RCC1L: variants seen among roughly 807,000 people sequenced by gnomAD.
RCC1L encodes the protein RCC1-like G exchanging factor-like protein.
RCC1L carries 46 observed loss-of-function variants against 58.6 expected under a neutral mutation model. The observed-to-expected ratio is 0.79, with a 90% CI of 0.62 to 1.00. RCC1L has a LOEUF of 1.00. Ranked by LOEUF, RCC1L falls within the 50% of genes least tolerant of loss-of-function variation. RCC1L has a pLI of 0.00. For missense variants in RCC1L, 636 were observed against 623.6 expected (o/e 1.02, Z -0.21); for synonymous variants, 281 against 262.9 (o/e 1.07, Z -0.67).
rs1165938365 is a variant in RCC1L, at chr7:75,072,161, C to CATATATATAT, written c.324+1243_324+1252dup. Among the ~76,000 whole-genome samples the CATATATATAT allele has an allele frequency of 7.1e-3, 331 of 46,324 alleles. 12 individuals carry two copies. Among genetic ancestry groups the CATATATATAT allele is most frequent in the East Asian group, 9.6e-3 (6 of 624 alleles). The allele number at this position is 46,324 out of a possible 152,430, so 30.4% of individuals were successfully genotyped here. A position where few individuals can be genotyped will look rare whatever the true frequency, so the allele number is the denominator to read the frequency against. The stretch of plus-strand genomic sequence containing the variant: ...ATTTATACATATACATATACATATA[C>CATATATATAT]ATATATATATATATATATATATATA... On this transcript the variant is annotated intron_variant, in intron 1 of 10. Coordinates refer to ENST00000610322, the MANE Select transcript of RCC1L (RefSeq NM_030798.5).
downstream of RCC1L, among the ~76,000 whole-genome samples, chr7:75,039,553 T>C (rs1584486802): frequency 6.6e-6 from 1 of 152,078 alleles, no homozygotes; most frequent in African/African-American, 2.4e-5. Context: ...GGAGTGGCGG[T>C]CTGCATACCT....
chr7:75,032,578 C>T (rs1326012298), intron 10 of RCC1L, among the ~76,000 whole-genome samples: 1 of 152,112 alleles, frequency 6.6e-6, no homozygotes, highest in South Asian at 2.1e-4. Context: ...GAGCTGAAGA[C>T]CCATCCCTGC....
At position 75,042,345 on chromosome 7, in the gene RCC1L, G is replaced by A. The variant is rs1308394988; in HGVS notation, c.*687C>T. 1.4e-5 allele frequency: 14 copies of A among 985,572 alleles called. No individual in the cohort carries two copies. The highest frequency in any genetic ancestry group is 5.2e-4 in the Middle Eastern group (1 of 1,914). The allele number at this position is 985,572 out of a possible 1,614,324, so 61.1% of individuals were successfully genotyped here. ...CAGCTGAGCCTTGGCGGATATGCTC[G>A]GGGCCCTCGGCGCAGAGGAACTTGG... is the stretch of plus-strand genomic sequence containing the variant. On this transcript the variant is annotated 3_prime_UTR_variant, in exon 11 of 11. Coordinates refer to ENST00000610322, the MANE Select transcript of RCC1L (RefSeq NM_030798.5).
Position 75,058,639 on chromosome 7 carries a change from A to T in RCC1L, c.918T>A (p.Gly306=). Reference sequence around the variant, plus strand: ...GCTGCAGGTACTCCGAGTTTCCCCAACCAAAAAGTCCTCCGTCGGCGGACA... The same window carrying T: ...GCTGCAGGTACTCCGAGTTTCCCCATCCAAAAAGTCCTCCGTCGGCGGACA... The part of the protein sequence containing the change: ...LAVSADGGLF[G]WGNSEYLQLA... The change falls in exon 7 of 11, where the codon GGT becomes GGA. Residue 306 remains glycine (G), a synonymous_variant. Coordinates refer to ENST00000610322, the MANE Select transcript of RCC1L (RefSeq NM_030798.5). 1 of 1,613,304 alleles carries T rather than the reference A, an allele frequency of 6.2e-7. No individual in the cohort carries two copies.
chr7:75,043,139 T>G, intron 10 of RCC1L, 30 bp from the exon 11 acceptor site: 1 of 1,613,322 alleles, frequency 6.2e-7, no homozygotes, highest in Non-Finnish European at 8.5e-7. Flanking sequence ...ATACCATGGG[T>G]GGGGGTGGCG....
chr7:75,065,755 C>T (rs991223163), intron 3 of RCC1L, among the ~76,000 whole-genome samples: 4 of 152,006 alleles, frequency 2.6e-5, no homozygotes, highest in African/African-American at 4.8e-5. Context: ...TAGTGGGTCA[C>T]GTCTATAATC....
In RCC1L at chr7:75,073,394, G is replaced by T; in HGVS notation, c.324+20C>A. ...CGCGGAAGAGAGAGAAGGAGAGAAG[G>T]AGGAAGCCGCGGCCTGCACCTTTTG... On this transcript the variant is annotated intron_variant, in intron 1 of 10. Transcript: ENST00000610322. 9.1e-7 allele frequency: 1 copy of T among 1,097,700 alleles called. No individual in the cohort carries two copies. The highest frequency in any genetic ancestry group is 1.7e-5 in the African/African-American group (1 of 60,370). The allele number at this position is 1,097,700 out of a possible 1,614,324, so 68.0% of individuals were successfully genotyped here.
chr7:75,041,108 C>T (rs1554442203), downstream of RCC1L, among the ~76,000 whole-genome samples: 1 of 152,030 alleles, frequency 6.6e-6, no homozygotes, highest in African/African-American at 2.4e-5. Context: ...ATCCCAGCTA[C>T]TCGGGAGGCT....
chr7:75,058,987 G>A (rs1806180638), intron 6 of RCC1L, among the ~76,000 whole-genome samples: 2 of 148,390 alleles, frequency 1.3e-5, no homozygotes, highest in African/African-American at 2.5e-5. Context: ...GATCAGCCTG[G>A]TCAACATGGC....
At chr7:75,054,930 C>T (rs1806026829) in intron 9 of RCC1L, among the ~76,000 whole-genome samples, 2 of 152,316 alleles carry the variant, frequency 1.3e-5, no homozygotes, top group Non-Finnish European at 2.9e-5. Flanking sequence ...CAGCTGGCAG[C>T]CATAACAACC....
chr7:75,045,750 G>A (rs1018337070), intron 10 of RCC1L, among the ~76,000 whole-genome samples: 3 of 152,150 alleles, frequency 2.0e-5, no homozygotes, highest in Non-Finnish European at 4.4e-5. Flanking sequence ...TTCTGACCTC[G>A]TGAGCCACCT....
At position 75,042,734 on chromosome 7, in the gene RCC1L, G is replaced by T. The variant is rs1202131702; in HGVS notation, c.*298C>A. 2 of 1,333,828 alleles carry T rather than the reference G, an allele frequency of 1.5e-6. No homozygotes were observed. Among genetic ancestry groups the T allele is most frequent in the African/African-American group, 3.0e-5 (2 of 67,518 alleles). 82.6% of individuals were successfully genotyped at this position (1,333,828 alleles called of 1,614,324 possible). On this transcript the variant is annotated 3_prime_UTR_variant, in exon 11 of 11. Coordinates refer to ENST00000610322, the MANE Select transcript of RCC1L (RefSeq NM_030798.5). ...CTAAGACGGGCTTCTCAGGCGAGAC[G>T]TGACACCAGACACCGTCGCATGTTA...
In RCC1L at chr7:75,043,217, A is replaced by C. The variant is rs1647774067; in HGVS notation, c.1318-108T>G. On this transcript the variant is annotated intron_variant, in intron 10 of 10. Coordinates refer to ENST00000610322, the MANE Select transcript of RCC1L (RefSeq NM_030798.5). ...GCCTCTCAGTAGGAGACTCAGTAGG[A>C]GACAGCTTGTCTCAGCAGGAGACAG... The C allele has an allele frequency of 4.0e-6, 5 of 1,252,122 alleles. No homozygotes were observed. The African/African-American group carries it at 7.4e-5, about 18-fold the overall frequency. The allele number at this position is 1,252,122 out of a possible 1,614,324, so 77.6% of individuals were successfully genotyped here. A position where few individuals can be genotyped will look rare whatever the true frequency, so the allele number is the denominator to read the frequency against.
intron 2 of RCC1L, among the ~76,000 whole-genome samples, chr7:75,069,303 C>T (rs1372232326): frequency 6.6e-6 from 1 of 152,176 alleles, no homozygotes; most frequent in African/African-American, 2.4e-5. Context: ...AGCAATCCTC[C>T]TACCTCAGCC....
At chr7:75,073,169 TGTC>T (rs1171939882) in intron 1 of RCC1L, among the ~76,000 whole-genome samples, 4 of 152,202 alleles carry the variant, frequency 2.6e-5, no homozygotes, top group African/African-American at 9.6e-5. Flanking sequence ...TGGGAATAAC[TGTC>T]GACTCACTGG....
chr7:75,043,158 G>A, intron 10 of RCC1L, 49 bp from the exon 11 acceptor site: 2 of 1,608,790 alleles, frequency 1.2e-6, no homozygotes, highest in Admixed American at 1.7e-5. Context: ...CGCACCCGGA[G>A]GAGACAGGCG....
intron 10 of RCC1L, among the ~76,000 whole-genome samples, chr7:75,030,399 C>T (rs1412774271): frequency 1.3e-5 from 2 of 152,142 alleles, no homozygotes; most frequent in Non-Finnish European, 2.9e-5. Flanking sequence ...GACTCGAATG[C>T]AGACCCTGGC....
chr7:75,051,355 C>CACACACAT (rs1805908855), intron 10 of RCC1L, among the ~76,000 whole-genome samples: 1,930 of 149,540 alleles, frequency 0.013, 47 homozygotes, highest in African/African-American at 0.044. Context: ...TACACACACA[C>CACACACAT]ATATATATAC....
At chr7:75,047,509 C>T (rs1314313026) in intron 10 of RCC1L, among the ~76,000 whole-genome samples, 2 of 152,138 alleles carry the variant, frequency 1.3e-5, no homozygotes, top group Non-Finnish European at 2.9e-5. Flanking sequence ...GCAATCCTTT[C>T]GCGTCAGCCT....
Sources: allele counts gnomAD v4.1 joint callset (sites outside exome capture counted in the v4.1 genomes callset), GRCh38; gene constraint gnomAD v4.1.1; transcripts MANE v1.5; gene names NCBI Gene and HGNC (gene_info 2026-07-23, HGNC 2026-07-21).